Variants in ENOX1 observed in about 807,000 individuals in gnomAD.
ENOX1 encodes the protein ecto-NOX disulfide-thiol exchanger 1.
Under a neutral mutation model 82.5 loss-of-function variants are expected in ENOX1, and 42 were observed. The observed-to-expected ratio is 0.51, with a 90% CI of 0.40 to 0.66. The LOEUF (loss-of-function observed/expected upper bound fraction) is 0.66, where lower values mean the gene tolerates loss of function less well. Ranked by LOEUF, ENOX1 falls within the 30% of genes least tolerant of loss-of-function variation. ENOX1 has a pLI of 0.00. For missense variants in ENOX1, 608 were observed against 811.6 expected (o/e 0.75, Z 3.05); for synonymous variants, 271 against 282.2 (o/e 0.96, Z 0.40).
chr13:43,227,944 A>G (rs944471210), intron 15 of ENOX1, among the ~76,000 whole-genome samples: 23 of 152,102 alleles, frequency 1.5e-4, no homozygotes, highest in African/African-American at 5.3e-4. Flanking sequence ...GCCTCTCCTC[A>G]GCCCACCTCC....
intron 1 of ENOX1, among the ~76,000 whole-genome samples, chr13:43,689,015 G>C (rs57644257): frequency 0.087 from 13,217 of 152,116 alleles, 908 homozygotes; most frequent in East Asian, 0.26. Flanking sequence ...GGCCAGGGCT[G>C]GGGGAGGACA....
At chr13:43,238,615 G>GT (rs2042665417) in intron 14 of ENOX1, among the ~76,000 whole-genome samples, 1 of 152,080 alleles carries the variant, frequency 6.6e-6, no homozygotes, top group South Asian at 2.1e-4. Flanking sequence ...CTGAAGCTTT[G>GT]TAAGGTCTCC....
intron 2 of ENOX1, among the ~76,000 whole-genome samples, chr13:43,638,935 A>G (rs539243449): frequency 6.6e-6 from 1 of 152,334 alleles, no homozygotes; most frequent in South Asian, 2.1e-4. Context: ...CCTTTCTTCT[A>G]GGAATATTAA....
intron 3 of ENOX1, among the ~76,000 whole-genome samples, chr13:43,470,343 T>TATATATAC (rs2057978960): frequency 1.1e-4 from 1 of 8,790 alleles, no homozygotes; most frequent in Non-Finnish European, 2.9e-4. Flanking sequence ...TATATATACG[T>TATATATAC]ATATATATAT....
intron 1 of ENOX1, among the ~76,000 whole-genome samples, chr13:43,756,972 C>CA (rs1164153402): frequency 2.6e-3 from 72 of 28,060 alleles, no homozygotes; most frequent in Middle Eastern, 0.025. Context: ...AAAACAACAA[C>CA]AAAAAAAAAA....
At chr13:43,405,696 G>T (rs543399550) in intron 5 of ENOX1, among the ~76,000 whole-genome samples, 32 of 152,224 alleles carry the variant, frequency 2.1e-4, no homozygotes, top group South Asian at 1.5e-3. Flanking sequence ...AATCCCTTCA[G>T]GTTACTCCAT....
chr13:43,581,094 C>A (rs1456521984), intron 2 of ENOX1, among the ~76,000 whole-genome samples: 1 of 143,394 alleles, frequency 7.0e-6, no homozygotes, highest in Non-Finnish European at 1.5e-5. Context: ...ACTCAGGTAT[C>A]TGACCTAAGT....
chr13:43,587,308 T>C lies in ENOX1; in HGVS notation c.-219+80171A>G, dbSNP rs143400349. Among the ~76,000 whole-genome samples, 191 of 152,298 alleles carry C rather than the reference T, an allele frequency of 1.3e-3. 1 individual carries two copies. Among genetic ancestry groups the C allele is most frequent in the African/African-American group, 4.5e-3 (187 of 41,556 alleles). ...CATAGATAAGTTTTTTACTTTCAAA[T>C]CATCCATTACTTTTCTCTGGCCCAT... On this transcript the variant is annotated intron_variant, in intron 2 of 16. Transcript: ENST00000690772.
intron 2 of ENOX1, among the ~76,000 whole-genome samples, chr13:43,641,339 T>C (rs1458440752): frequency 2.0e-5 from 3 of 151,930 alleles, no homozygotes; most frequent in South Asian, 2.1e-4. Context: ...CTCAATTCCA[T>C]GCCCCAGAGT....
At chr13:43,713,712 T>C (rs1275088919) in intron 1 of ENOX1, among the ~76,000 whole-genome samples, 1 of 152,050 alleles carries the variant, frequency 6.6e-6, no homozygotes, top group Non-Finnish European at 1.5e-5. Context: ...GAGGTGTTTG[T>C]AGTATTCTCT....
chr13:43,697,143 A>T lies in ENOX1; in HGVS notation c.-284-29599T>A, dbSNP rs967244153. On this transcript the variant is annotated intron_variant, in intron 1 of 16. Coordinates refer to ENST00000690772, the MANE Select transcript of ENOX1 (RefSeq NM_001347969.2). ...AAGGATGGTCAAATCTGAAGGAAGA[A>T]CTAGTAGGAGCGGGAAGGAAATGAG... 6.6e-5 allele frequency among the ~76,000 whole-genome samples: 10 copies of T among 152,342 alleles called. No individual in the cohort carries two copies. In the South Asian group the frequency reaches 1.9e-3, roughly 28 times the overall value.
At chr13:43,484,879 T>C (rs938584018) in intron 2 of ENOX1, among the ~76,000 whole-genome samples, 1 of 152,200 alleles carries the variant, frequency 6.6e-6, no homozygotes, top group African/African-American at 2.4e-5. Context: ...CTTTTCTTCC[T>C]TAGACAAAGA....
chr13:43,378,969 G>A (rs1040934364), intron 5 of ENOX1, among the ~76,000 whole-genome samples: 1 of 152,124 alleles, frequency 6.6e-6, no homozygotes, highest in Non-Finnish European at 1.5e-5. Context: ...GAAGAGGGAG[G>A]CAGAAGAGAA....
At chr13:43,572,339 G>C (rs1301658120) in intron 2 of ENOX1, among the ~76,000 whole-genome samples, 1 of 152,118 alleles carries the variant, frequency 6.6e-6, no homozygotes, top group Non-Finnish European at 1.5e-5. Flanking sequence ...ACAAAACAGA[G>C]ACCCTTAACT....
At chr13:43,716,891 C>A (rs1379737334) in intron 1 of ENOX1, among the ~76,000 whole-genome samples, 1 of 151,648 alleles carries the variant, frequency 6.6e-6, no homozygotes, top group Non-Finnish European at 1.5e-5. Flanking sequence ...AGAGATGAAA[C>A]AAATAAATGG....
intron 1 of ENOX1, among the ~76,000 whole-genome samples, chr13:43,757,105 T>C (rs1950698969): frequency 6.6e-6 from 1 of 152,146 alleles, no homozygotes; most frequent in Admixed American, 6.5e-5. Flanking sequence ...ACATACTGTT[T>C]CCAAGGTTAA....
At chr13:43,502,757 C>T (rs757933585) in intron 2 of ENOX1, among the ~76,000 whole-genome samples, 2 of 151,396 alleles carry the variant, frequency 1.3e-5, no homozygotes, top group Non-Finnish European at 3.0e-5. Flanking sequence ...TCACACTCAA[C>T]GGTGAAAAAC....
At chr13:43,305,924 G>A (rs552979192) in intron 11 of ENOX1, among the ~76,000 whole-genome samples, 6 of 152,302 alleles carry the variant, frequency 3.9e-5, no homozygotes, top group East Asian at 1.9e-4. Flanking sequence ...AAGCCAAGCC[G>A]GGGACAGGGC....
chr13:43,597,122 G>A (rs2081507879), intron 2 of ENOX1, among the ~76,000 whole-genome samples: 1 of 152,164 alleles, frequency 6.6e-6, no homozygotes, highest in African/African-American at 2.4e-5. Flanking sequence ...AGAGAGTGGG[G>A]GAAGAGCTAT....
Sources: allele counts gnomAD v4.1 joint callset (sites outside exome capture counted in the v4.1 genomes callset), GRCh38; gene constraint gnomAD v4.1.1; transcripts MANE v1.5; gene names NCBI Gene and HGNC (gene_info 2026-07-23, HGNC 2026-07-21).